Variants in BCL2L11 observed in about 807,000 individuals in gnomAD.
BCL2L11 encodes BCL2 like 11.
BCL2L11 carries 15 observed loss-of-function variants against 20.6 expected under a neutral mutation model. The observed-to-expected ratio is 0.73, with a 90% CI of 0.49 to 1.12. BCL2L11 has a LOEUF of 1.12. Among genes scored for constraint, BCL2L11 ranks in the 50% most tolerant of loss-of-function variants. BCL2L11 has a pLI of 0.00. For missense variants in BCL2L11, 292 were observed against 260.9 expected (o/e 1.12, Z -0.82); for synonymous variants, 108 against 92.8 (o/e 1.16, Z -0.94).
At chr2:111,129,045 G>T (rs1162856909) in intron 2 of BCL2L11, among the ~76,000 whole-genome samples, 1 of 152,196 alleles carries the variant, frequency 6.6e-6, no homozygotes, top group African/African-American at 2.4e-5. Context: ...TGGGTTGTTT[G>T]GTTGACTTAG....
chr2:111,150,388 TA>T (rs940029902), intron 3 of BCL2L11: 68 of 616,080 alleles, frequency 1.1e-4, no homozygotes, highest in Non-Finnish European at 1.5e-4. Context: ...GCACAGACTT[TA>T]AAACAATGCT....
chr2:111,133,491 G>A (rs532450488), intron 2 of BCL2L11, among the ~76,000 whole-genome samples: 1 of 152,226 alleles, frequency 6.6e-6, no homozygotes, highest in East Asian at 1.9e-4. Flanking sequence ...TTTGACCCTA[G>A]GTTATTTAGA....
At chr2:111,143,301 C>T (rs2076093036) in intron 2 of BCL2L11, among the ~76,000 whole-genome samples, 1 of 152,052 alleles carries the variant, frequency 6.6e-6, no homozygotes, top group Non-Finnish European at 1.5e-5. Flanking sequence ...AGGGGCAGAA[C>T]ACTGTCACAC....
At chr2:111,155,382 C>T (rs567630392) in intron 3 of BCL2L11, among the ~76,000 whole-genome samples, 1 of 152,140 alleles carries the variant, frequency 6.6e-6, no homozygotes, top group Admixed American at 6.5e-5. Flanking sequence ...ATCTGCTGGA[C>T]GCAGTGCCAG....
intron 2 of BCL2L11, chr2:111,130,017 G>A: frequency 3.2e-6 from 1 of 312,284 alleles, no homozygotes; most frequent in Non-Finnish European, 6.3e-6. Flanking sequence ...TTCACCTGTT[G>A]AAGGACACTG....
rs1057328546 is a variant in BCL2L11, at chr2:111,151,472, G to A, written c.498+1325G>A. Among the ~76,000 whole-genome samples, 149 of 151,692 alleles carry A rather than the reference G, an allele frequency of 9.8e-4. 1 individual carries two copies. Among genetic ancestry groups the A allele is most frequent in the African/African-American group, 3.5e-3 (146 of 41,344 alleles). ...TCTTTTAGCTCTTTTTTTTCTGAAC[G>A]TTGTTGTTTTATATAAGTACCTCTT... On this transcript the variant is annotated intron_variant, in intron 3 of 3. Transcript: ENST00000393256.
At chr2:111,142,399 GT>G in intron 2 of BCL2L11, 1 of 1,549,040 alleles carries the variant, frequency 6.5e-7, no homozygotes. Context: ...AAGGTGAAAA[GT>G]TTTTCTTTTT....
At chr2:111,147,344 T>TCA (rs1449890383) in intron 2 of BCL2L11, among the ~76,000 whole-genome samples, 6 of 132,596 alleles carry the variant, frequency 4.5e-5, no homozygotes, top group Admixed American at 3.1e-4. Flanking sequence ...TCTCTCTCTC[T>TCA]CTCACACACA....
chr2:111,136,826 G>T (rs140309514), intron 2 of BCL2L11, among the ~76,000 whole-genome samples: 176 of 152,300 alleles, frequency 1.2e-3, no homozygotes, highest in Non-Finnish European at 2.0e-3. Context: ...AGCAGTATCA[G>T]TTGGCTCTGG....
chr2:111,151,121 C>G (rs913426539), intron 3 of BCL2L11, among the ~76,000 whole-genome samples: 1 of 152,176 alleles, frequency 6.6e-6, no homozygotes, highest in African/African-American at 2.4e-5. Flanking sequence ...CCAGGATGAT[C>G]TCGATTTCCT....
At chr2:111,144,360 T>A in intron 2 of BCL2L11, 4 of 798,218 alleles carry the variant, frequency 5.0e-6, no homozygotes, top group Non-Finnish European at 5.9e-6. Context: ...TGGAGGGAGG[T>A]GTGTGTGTGT....
At chr2:111,146,287 A>G in intron 2 of BCL2L11, 1 of 942,300 alleles carries the variant, frequency 1.1e-6, no homozygotes, top group Non-Finnish European at 1.3e-6. Flanking sequence ...TTTATAGACC[A>G]GGTATCAACA....
chr2:111,135,200 C>G (rs2074652088), intron 2 of BCL2L11, among the ~76,000 whole-genome samples: 1 of 152,168 alleles, frequency 6.6e-6, no homozygotes, highest in African/African-American at 2.4e-5. Flanking sequence ...TCTCTCTCTT[C>G]AGATTGAGTA....
intron 2 of BCL2L11, among the ~76,000 whole-genome samples, chr2:111,147,346 T>TCTCTCTCTCTCACACACACA (rs760779894): frequency 7.3e-6 from 1 of 137,332 alleles, no homozygotes; most frequent in Non-Finnish European, 1.5e-5. Context: ...TCTCTCTCTC[T>TCTCTCTCTCTCACACACACA]CACACACACA....
At chr2:111,163,770 G>A (rs1160273693) in intron 3 of BCL2L11, among the ~76,000 whole-genome samples, 1 of 152,038 alleles carries the variant, frequency 6.6e-6, no homozygotes, top group Non-Finnish European at 1.5e-5. Context: ...ACCCCTGGGG[G>A]AATCTGCAGC....
intron 2 of BCL2L11, chr2:111,146,288 G>A: frequency 1.1e-6 from 1 of 942,584 alleles, no homozygotes; most frequent in Non-Finnish European, 1.3e-6. Context: ...TTATAGACCA[G>A]GTATCAACAT....
intron 3 of BCL2L11, among the ~76,000 whole-genome samples, chr2:111,160,314 CTT>C (rs1313650437): frequency 6.6e-6 from 1 of 152,144 alleles, no homozygotes; most frequent in African/African-American, 2.4e-5. Flanking sequence ...CTGTATTGTC[CTT>C]ACTTTATTAT....
intron 2 of BCL2L11, among the ~76,000 whole-genome samples, chr2:111,137,633 C>CTTT (rs575699231): frequency 4.5e-5 from 6 of 132,940 alleles, no homozygotes; most frequent in East Asian, 2.2e-4. Context: ...TTCCTCCCCA[C>CTTT]TTTTTTTTTT....
At chr2:111,147,346 TCA>T (rs70962921) in intron 2 of BCL2L11, among the ~76,000 whole-genome samples, 10,057 of 136,826 alleles carry the variant, frequency 0.074, 381 homozygotes, top group South Asian at 0.1. Flanking sequence ...TCTCTCTCTC[TCA>T]CACACACACA....
Sources: allele counts gnomAD v4.1 joint callset (sites outside exome capture counted in the v4.1 genomes callset), GRCh38; gene constraint gnomAD v4.1.1; transcripts MANE v1.5; gene names NCBI Gene and HGNC (gene_info 2026-07-23, HGNC 2026-07-21).